EHMT1: variants seen among roughly 807,000 people sequenced by gnomAD.
The protein encoded by EHMT1 is histone-lysine N-methyltransferase EHMT1.
In EHMT1, 15 loss-of-function variants were observed where a neutral mutation model predicts 147.2. That is an observed-to-expected ratio of 0.10 (90% CI 0.07 to 0.16). The LOEUF (loss-of-function observed/expected upper bound fraction) is 0.16, where lower values mean the gene tolerates loss of function less well. EHMT1 is among the 10% of genes least tolerant of loss of function. EHMT1 has a pLI of 1.00. For synonymous variants in EHMT1, 795 were observed against 709.6 expected, an observed-to-expected ratio of 1.12 and a Z score of -1.91; for missense variants, 1,587 against 1,772.4, an observed-to-expected ratio of 0.90 and a Z score of 1.88.
intron 1 of EHMT1, among the ~76,000 whole-genome samples, chr9:137,669,585 T>G (rs1940281461): frequency 1.7e-5 from 1 of 58,816 alleles, no homozygotes; most frequent in Non-Finnish European, 3.6e-5. Flanking sequence ...ACCCACTGTC[T>G]ACCCAGGGCG....
At chr9:137,741,228 G>A (rs1472662038) in intron 4 of EHMT1, among the ~76,000 whole-genome samples, 4 of 152,056 alleles carry the variant, frequency 2.6e-5, no homozygotes, top group Non-Finnish European at 4.4e-5. Context: ...CACCCGCCTC[G>A]GCCTCGCAAA....
In EHMT1 at chr9:137,834,976, C is replaced by T. The variant is rs1461751574; in HGVS notation, c.*23C>T. 7.2e-7 allele frequency: 1 copy of T among 1,388,164 alleles called. No individual in the cohort carries two copies. Among genetic ancestry groups the T allele is most frequent in the South Asian group, 1.6e-5 (1 of 61,624 alleles). 86.0% of individuals were successfully genotyped at this position (1,388,164 alleles called of 1,614,324 possible). Reference sequence around the variant, plus strand: ...TGAGACGCCGCCGGCCAGCGGGGCGCTCGGGAGCCAGGGACCGCCGCGTCG... The same window carrying T: ...TGAGACGCCGCCGGCCAGCGGGGCGTTCGGGAGCCAGGGACCGCCGCGTCG... On this transcript the variant is annotated 3_prime_UTR_variant, in exon 27 of 27. Coordinates refer to ENST00000460843, the MANE Select transcript of EHMT1 (RefSeq NM_024757.5).
In EHMT1 at chr9:137,834,067, C is replaced by G. The variant is rs1956419704; in HGVS notation, c.3541-282C>G. ...TGTCCACATTCCACCGCGCTGGAAG[C>G]CCCATGGGGACGCCGTCAAGGGAAC... On this transcript the variant is annotated intron_variant, in intron 25 of 26. Transcript: ENST00000460843. 7 of 530,014 alleles carry G rather than the reference C, an allele frequency of 1.3e-5. No homozygotes were observed. In the South Asian group the frequency reaches 1.4e-4, roughly 11 times the overall value. The allele number at this position is 530,014 out of a possible 1,614,324, so 32.8% of individuals were successfully genotyped here.
At chr9:137,784,335 C>T (rs1951795415) in intron 15 of EHMT1, 1 of 1,297,820 alleles carries the variant, frequency 7.7e-7, no homozygotes. Context: ...CTTAAAGGCC[C>T]AGCCTCAAAA....
rs918854807 is a variant in EHMT1 at position 137,817,423 on chromosome 9, A to G, written c.3375-16A>G. ...GAGGCTGTGGCCTGGGTTCACCACT[A>G]CTCTCTATTTTTCAGGGCAAGGCTG... On this transcript the variant is annotated splice_polypyrimidine_tract_variant and intron_variant, in intron 23 of 26. Transcript: ENST00000460843. 2 of 1,613,452 alleles carry G rather than the reference A, an allele frequency of 1.2e-6. No homozygotes were observed. The highest frequency in any genetic ancestry group is 1.7e-6 in the Non-Finnish European group (2 of 1,179,834).
rs539387018 is a variant in EHMT1 at position 137,782,103 on chromosome 9, C to T, written c.2276-188C>T. Among the ~76,000 whole-genome samples, 78 of 152,246 alleles carry T rather than the reference C, an allele frequency of 5.1e-4. 1 individual carries two copies. In the South Asian group the frequency reaches 0.015, roughly 30 times the overall value. On this transcript the variant is annotated intron_variant, in intron 14 of 26. Coordinates refer to ENST00000460843, the MANE Select transcript of EHMT1 (RefSeq NM_024757.5). This position sits in a 1 kb window ranked among gnomAD's most constrained non-coding sequence, Gnocchi z 5.7. ...ACAGAGGGACCTGCCTGTTCAATTC[C>T]GCAGGAGACTAGCACACTCAAGTCT...
chr9:137,781,419 A>AGATGTGTGGTGATGACGCTGG (rs1564749746), intron 14 of EHMT1, among the ~76,000 whole-genome samples: 9 of 135,006 alleles, frequency 6.7e-5, no homozygotes, highest in African/African-American at 2.3e-4. Context: ...GATGATGCTG[A>AGATGTGTGGTGATGACGCTGG]GATGTGTGGT....
At chr9:137,685,096 A>C (rs1171108706) in intron 1 of EHMT1, among the ~76,000 whole-genome samples, 1 of 152,078 alleles carries the variant, frequency 6.6e-6, no homozygotes, top group African/African-American at 2.4e-5. Flanking sequence ...AAGTATACTT[A>C]ACATAAATTT....
intron 2 of EHMT1, among the ~76,000 whole-genome samples, chr9:137,711,633 G>C (rs1453536753): frequency 6.6e-6 from 1 of 152,166 alleles, no homozygotes; most frequent in Admixed American, 6.5e-5. Context: ...AGGGTGAGGG[G>C]AGTTGGGGCG....
intron 2 of EHMT1, among the ~76,000 whole-genome samples, chr9:137,713,130 G>T (rs898446636): frequency 6.6e-6 from 1 of 152,050 alleles, no homozygotes; most frequent in African/African-American, 2.4e-5. Context: ...TTTAGACAGG[G>T]TCTCCCTCTG....
intron 2 of EHMT1, chr9:137,715,915 A>G (rs1945175625): frequency 1.0e-5 from 9 of 876,218 alleles, no homozygotes; most frequent in Non-Finnish European, 9.6e-6. Context: ...TGCTTAAGAA[A>G]TGTTTATGTT....
Position 137,813,478 on chromosome 9 carries a change from A to G in EHMT1, c.3128A>G (p.Gln1043Arg). 1.2e-6 allele frequency: 2 copies of G among 1,614,076 alleles called. No homozygotes were observed. Among genetic ancestry groups the G allele is most frequent in the Non-Finnish European group, 1.7e-6 (2 of 1,180,014 alleles). ...CCCAGCAACTACAAGTACGTCTCTC[A>G]GAACTGCGTGACGTCCCCCATGAAC... is the stretch of plus-strand genomic sequence containing the variant. ...PCPSNYKYVS[Q>R]NCVTSPMNID... is the part of the protein sequence containing the mutation. Residue 1043 changes from glutamine (Q) to arginine (R), a missense_variant, in exon 21 of 27, where the codon CAG becomes CGG. Coordinates refer to ENST00000460843, the MANE Select transcript of EHMT1 (RefSeq NM_024757.5). This position sits in a 1 kb window ranked among gnomAD's most constrained non-coding sequence, Gnocchi z 4.9.
chr9:137,783,522 T>A (rs1951723136), intron 15 of EHMT1, among the ~76,000 whole-genome samples: 1 of 152,266 alleles, frequency 6.6e-6, no homozygotes, highest in Admixed American at 6.5e-5. Flanking sequence ...TTAGTTTTTC[T>A]TATCTAAAGG....
chr9:137,696,135 G>A (rs72766914), intron 1 of EHMT1, among the ~76,000 whole-genome samples: 7,497 of 151,846 alleles, frequency 0.049, 242 homozygotes, highest in South Asian at 0.14. Flanking sequence ...TTCTGCCAAG[G>A]GAAAAAACAA....
intron 2 of EHMT1, chr9:137,715,442 T>G: frequency 2.8e-6 from 2 of 717,514 alleles, no homozygotes; most frequent in Non-Finnish European, 3.4e-6. Flanking sequence ...CTCATAGGAC[T>G]TAACGTCCTC....
rs1335086793 is a variant in EHMT1, at chr9:137,731,762, GGC to G, written c.823+3234_823+3235del. ...CGGCCCAGATCCCACACCTTCCGAG[GGC>G]AAGCCAGGAGTGGAGCAGCGAGGCG... On this transcript the variant is annotated intron_variant, in intron 4 of 26. Coordinates refer to ENST00000460843, the MANE Select transcript of EHMT1 (RefSeq NM_024757.5). This position sits in a 1 kb window ranked among gnomAD's most constrained non-coding sequence, Gnocchi z 4.3. Among the ~76,000 whole-genome samples the G allele has an allele frequency of 6.6e-6, 1 of 152,168 alleles. No homozygotes were observed. The highest frequency in any genetic ancestry group is 1.5e-5 in the Non-Finnish European group (1 of 68,030).
chr9:137,724,984 C>T (rs542678095), intron 3 of EHMT1, among the ~76,000 whole-genome samples: 19 of 140,706 alleles, frequency 1.4e-4, no homozygotes, highest in African/African-American at 2.4e-4. Context: ...GTGTGGCAGA[C>T]GTGTGGCATT....
Position 137,775,208 on chromosome 9 carries a change from G to A in EHMT1, c.1747G>A (p.Val583Met). 6.2e-7 allele frequency: 1 copy of A among 1,613,446 alleles called. No individual in the cohort carries two copies. The highest frequency in any genetic ancestry group is 8.5e-7 in the Non-Finnish European group (1 of 1,180,020). The change falls in exon 11 of 27, where the codon GTG (valine) becomes ATG (methionine). Residue 583 changes from valine to methionine, a missense_variant. Around this residue, in one of 7 missense-constraint regions of EHMT1, gnomAD observed 124 missense variants for 197.8 expected, o/e 0.63. Transcript: ENST00000460843. The surrounding 1 kb of genome is among the most constrained non-coding windows in gnomAD (Gnocchi z 6.1). Reference protein sequence around the residue: ...VLCEDHRGRMVKHQCCPGCGY... With the variant: ...VLCEDHRGRMMKHQCCPGCGY... ...GTGTGAAGACCACCGGGGCCGCATG[G>A]TGAAGCACCAGTGCTGTCCTGGCTG...
In EHMT1 at chr9:137,670,419, C is replaced by T. The variant is rs143831360; in HGVS notation, c.22-40548C>T. Among the ~76,000 whole-genome samples, 694 of 152,234 alleles carry T rather than the reference C, an allele frequency of 4.6e-3. 9 individuals carry two copies. The highest frequency in any genetic ancestry group is 0.016 in the African/African-American group (650 of 41,522). ...GACCCGGTAGTGTCCTCACTTAGTC[C>T]TTGGGCCTTGCTATCCTGCCCCCTC... On this transcript the variant is annotated intron_variant, in intron 1 of 26. Coordinates refer to ENST00000460843, the MANE Select transcript of EHMT1 (RefSeq NM_024757.5).
Sources: gnomAD v4.1 joint callset for allele counts (sites outside exome capture counted in the v4.1 genomes callset) on GRCh38, gnomAD v4.1.1 for gene constraint, gnomAD v4.1.1 regional missense constraint, Gnocchi (gnomAD v3.1) non-coding constraint, MANE v1.5 for transcripts, NCBI Gene and HGNC (gene_info 2026-07-23, HGNC 2026-07-21) for gene names.